The following MBD2 variants were observed in gnomAD, a reference collection of about 807,000 sequenced individuals.
MBD2 encodes methyl-CpG binding domain protein 2.
In MBD2, 9 loss-of-function variants were observed where a neutral mutation model predicts 39.3. The observed-to-expected ratio is 0.23, with a 90% CI of 0.14 to 0.40. The LOEUF is 0.40. MBD2 is among the 10% of genes least tolerant of loss of function. The pLI is 1.00. For synonymous variants in MBD2, 233 were observed against 211.1 expected (o/e 1.10, Z -0.90); for missense variants, 458 against 532.6 (o/e 0.86, Z 1.38).
In MBD2 at chr18:54,224,292, G is replaced by T; in HGVS notation, c.268C>A (p.Arg90=). 1 of 947,512 alleles carries T rather than the reference G, an allele frequency of 1.1e-6. No homozygotes were observed. The highest frequency in any genetic ancestry group is 1.3e-6 in the Non-Finnish European group (1 of 798,768). 58.7% of individuals were successfully genotyped at this position (947,512 alleles called of 1,614,324 possible). ...GGGGGACGGCCGCGGCCCCGGCCCCGGCCCCGTCCCCGTCCCCGGCCACGG... is the reference window on the plus strand; with the variant it reads ...GGGGGACGGCCGCGGCCCCGGCCCCTGCCCCGTCCCCGTCCCCGGCCACGG... ...RGRGRGRGRG[R]GRGRGRPPSG... is the part of the protein sequence containing the mutation. Residue 90 remains arginine (R), a synonymous_variant, in exon 1 of 7, where the codon CGG becomes AGG. Transcript: ENST00000256429.
intron 3 of MBD2, among the ~76,000 whole-genome samples, chr18:54,184,023 A>G (rs1362913566): frequency 6.6e-6 from 1 of 152,182 alleles, no homozygotes; most frequent in Non-Finnish European, 1.5e-5. Context: ...AATGTTTCTC[A>G]TTTTTAAAAT....
At chr18:54,198,642 G>A (rs927854369) in intron 2 of MBD2, among the ~76,000 whole-genome samples, 1 of 152,200 alleles carries the variant, frequency 6.6e-6, no homozygotes, top group African/African-American at 2.4e-5. Context: ...CTGAGCCCAG[G>A]TCAAGGCTGC....
At chr18:54,197,986 C>G (rs758588449) in intron 2 of MBD2, among the ~76,000 whole-genome samples, 14 of 152,154 alleles carry the variant, frequency 9.2e-5, no homozygotes, top group Non-Finnish European at 1.5e-4. Context: ...ACTTTAATAA[C>G]TGACAAAAAG....
intron 1 of MBD2, among the ~76,000 whole-genome samples, chr18:54,213,883 C>T (rs2086532002): frequency 6.6e-6 from 1 of 151,972 alleles, no homozygotes. Flanking sequence ...TATATCCTTA[C>T]ACATATATCT....
chr18:54,189,312 C>T (rs2086304017), intron 2 of MBD2, among the ~76,000 whole-genome samples: 1 of 151,714 alleles, frequency 6.6e-6, no homozygotes, highest in Non-Finnish European at 1.5e-5. Flanking sequence ...CAAGCTCCGC[C>T]TCCCGGGTCT....
At chr18:54,156,414 T>G (rs1370445758) in intron 6 of MBD2, among the ~76,000 whole-genome samples, 1 of 152,220 alleles carries the variant, frequency 6.6e-6, no homozygotes, top group African/African-American at 2.4e-5. Flanking sequence ...AACATTAGTT[T>G]GTTATTACTA....
chr18:54,219,542 C>G (rs1004532939), intron 1 of MBD2, among the ~76,000 whole-genome samples: 6 of 152,122 alleles, frequency 3.9e-5, no homozygotes, highest in Non-Finnish European at 7.4e-5. Flanking sequence ...AGAAAGAAGA[C>G]AATATCAGAA....
intron 1 of MBD2, among the ~76,000 whole-genome samples, chr18:54,213,638 A>G (rs2086529884): frequency 6.6e-6 from 1 of 152,344 alleles, no homozygotes; most frequent in East Asian, 1.9e-4. Flanking sequence ...ATTGGGGACT[A>G]GACACTGCTA....
chr18:54,207,970 G>A lies in MBD2; in HGVS notation c.543-2813C>T, dbSNP rs112555090. On this transcript the variant is annotated intron_variant, in intron 1 of 6. Transcript: ENST00000256429. Reference sequence around the variant, plus strand: ...GGAGAATAACATGAACCCAGGAGGCGGAGCTTGCAGTGAGCTGAGATCGCA... The same window carrying A: ...GGAGAATAACATGAACCCAGGAGGCAGAGCTTGCAGTGAGCTGAGATCGCA... Among the ~76,000 whole-genome samples the A allele has an allele frequency of 4.6e-3, 702 of 151,792 alleles. 9 individuals are homozygous for A. Among genetic ancestry groups the A allele is most frequent in the African/African-American group, 0.016 (658 of 41,400 alleles).
intron 2 of MBD2, among the ~76,000 whole-genome samples, chr18:54,193,185 G>C (rs2086335342): frequency 6.6e-6 from 1 of 152,188 alleles, no homozygotes; most frequent in African/African-American, 2.4e-5. Flanking sequence ...TTGTGTGTCT[G>C]AGTTTTTCTA....
intron 5 of MBD2, 168 bp from the exon 6 acceptor site, chr18:54,160,071 AATGAGCC>A: frequency 1.5e-6 from 1 of 647,760 alleles, no homozygotes; most frequent in Non-Finnish European, 2.6e-6. Flanking sequence ...AAACCTCACC[AATGAGCC>A]TTGCCAAAAA....
intron 3 of MBD2, among the ~76,000 whole-genome samples, chr18:54,188,210 G>A (rs912737491): frequency 1.3e-5 from 2 of 152,198 alleles, no homozygotes; most frequent in East Asian, 1.9e-4. Flanking sequence ...GAGTGAATAA[G>A]TAAGGTTACG....
At chr18:54,179,199 G>GA (rs370588916) in intron 3 of MBD2, among the ~76,000 whole-genome samples, 147 of 151,288 alleles carry the variant, frequency 9.7e-4, no homozygotes, top group African/African-American at 3.2e-3. Context: ...CAAAAACAAA[G>GA]AAAAAAAATG....
rs1483882174 is a variant in MBD2, at chr18:54,224,231, C to CCGCCGCCGT, written c.320_328dup (p.Asp107_Gly109dup). On this transcript the variant is annotated inframe_insertion, in exon 1 of 7. Coordinates refer to ENST00000256429, the MANE Select transcript of MBD2 (RefSeq NM_003927.5). ...GCCACCGCTGCCGCCGCCGCCGCAGCCGCCGCCGTCGCCGCCAAGGCCGCT... is the reference window on the plus strand; with the variant it reads ...GCCACCGCTGCCGCCGCCGCCGCAGCCGCCGCCGTCGCCGCCGTCGCCGCCAAGGCCGCT... The CCGCCGCCGT allele has an allele frequency of 2.0e-6, 2 of 1,022,788 alleles. No homozygotes were observed. Among genetic ancestry groups the CCGCCGCCGT allele is most frequent in the African/African-American group, 3.5e-5 (2 of 57,234 alleles). 63.4% of individuals were successfully genotyped at this position (1,022,788 alleles called of 1,614,324 possible). A position where few individuals can be genotyped will look rare whatever the true frequency, so the allele number is the denominator to read the frequency against.
chr18:54,210,783 G>T (rs183802872), intron 1 of MBD2, among the ~76,000 whole-genome samples: 2 of 151,882 alleles, frequency 1.3e-5, no homozygotes, highest in Non-Finnish European at 2.9e-5. Context: ...TACTTTATGG[G>T]GAATAATAAA....
At chr18:54,174,350 G>A (rs1206090119) in intron 3 of MBD2, among the ~76,000 whole-genome samples, 1 of 152,170 alleles carries the variant, frequency 6.6e-6, no homozygotes, top group Non-Finnish European at 1.5e-5. Context: ...AAAGGCAGGT[G>A]CCCAGATCTC....
At chr18:54,184,314 C>T (rs1009296211) in intron 3 of MBD2, among the ~76,000 whole-genome samples, 4 of 152,050 alleles carry the variant, frequency 2.6e-5, no homozygotes, top group Non-Finnish European at 4.4e-5. Context: ...CACAGAGGCG[C>T]GAACCCCATT....
chr18:54,197,905 A>G (rs1214675997), intron 2 of MBD2, among the ~76,000 whole-genome samples: 1 of 152,222 alleles, frequency 6.6e-6, no homozygotes, highest in Non-Finnish European at 1.5e-5. Context: ...CTTATCACCT[A>G]CGACCTATTC....
intron 1 of MBD2, among the ~76,000 whole-genome samples, chr18:54,214,748 T>G (rs1223720859): frequency 7.0e-6 from 1 of 143,808 alleles, no homozygotes. Flanking sequence ...AATTCTTTTT[T>G]TTTTTTTTTT....
Sources: gnomAD v4.1 joint callset for allele counts (sites outside exome capture counted in the v4.1 genomes callset) on GRCh38, gnomAD v4.1.1 for gene constraint, MANE v1.5 for transcripts, NCBI Gene and HGNC (gene_info 2026-07-23, HGNC 2026-07-21) for gene names.